The following RIN3 variants were observed in gnomAD, a reference collection of about 807,000 sequenced individuals.
RIN3 encodes the protein RAB5 interacting protein 3.
In RIN3, 54 loss-of-function variants were observed where a neutral mutation model predicts 76.3. That is an observed-to-expected ratio of 0.71 (90% CI 0.57 to 0.89). RIN3 has a LOEUF of 0.89. Among genes scored for constraint, RIN3 ranks in the 40% least tolerant of loss-of-function variants. The pLI is 0.00. For missense variants in RIN3, 1,256 were observed against 1,322.1 expected (o/e 0.95, Z 0.78); for synonymous variants, 576 against 564.0 (o/e 1.02, Z -0.30).
At chr14:92,546,908 C>A (rs1280249511) in intron 1 of RIN3, among the ~76,000 whole-genome samples, 1 of 150,954 alleles carries the variant, frequency 6.6e-6, no homozygotes, top group Non-Finnish European at 1.5e-5. Context: ...AAAAATGTGA[C>A]CTACTAAAAG....
intron 2 of RIN3, among the ~76,000 whole-genome samples, chr14:92,569,639 C>T (rs917517388): frequency 1.3e-5 from 2 of 151,680 alleles, no homozygotes; most frequent in East Asian, 1.9e-4. Context: ...GGTCCATGTC[C>T]GAACAAAGTG....
intron 4 of RIN3, among the ~76,000 whole-genome samples, chr14:92,628,579 C>T (rs1432216808): frequency 6.6e-6 from 1 of 152,144 alleles, no homozygotes; most frequent in Non-Finnish European, 1.5e-5. Context: ...TTTTAGCATC[C>T]TTGTAATTTG....
intron 2 of RIN3, among the ~76,000 whole-genome samples, chr14:92,559,488 A>G (rs940015275): frequency 6.6e-6 from 1 of 152,226 alleles, no homozygotes; most frequent in Non-Finnish European, 1.5e-5. Context: ...GATATGAGCC[A>G]TGTTTATAAA....
At chr14:92,586,854 A>G (rs146046346) in intron 3 of RIN3, among the ~76,000 whole-genome samples, 1 of 152,338 alleles carries the variant, frequency 6.6e-6, no homozygotes, top group East Asian at 1.9e-4. Context: ...AACCAATGAC[A>G]CTCAGGGAAA....
At chr14:92,543,346 T>C (rs1897168967) in intron 1 of RIN3, among the ~76,000 whole-genome samples, 1 of 152,108 alleles carries the variant, frequency 6.6e-6, no homozygotes, top group Admixed American at 6.5e-5. Context: ...TTCATCTCAA[T>C]AGAAATTGAG....
intron 7 of RIN3, among the ~76,000 whole-genome samples, chr14:92,675,704 T>G (rs147910110): frequency 1.2e-4 from 18 of 152,338 alleles, no homozygotes; most frequent in African/African-American, 4.3e-4. Context: ...CTGGTCAGAA[T>G]TCTCCACCCA....
intron 8 of RIN3, among the ~76,000 whole-genome samples, chr14:92,677,829 TACCC>T (rs1888521535): frequency 6.7e-6 from 1 of 149,272 alleles, no homozygotes; most frequent in Admixed American, 6.7e-5. Flanking sequence ...CTCATCCACC[TACCC>T]ACCCATCTAC....
At chr14:92,668,495 G>A in intron 7 of RIN3, among the ~76,000 whole-genome samples, 1 of 152,178 alleles carries the variant, frequency 6.6e-6, no homozygotes, top group Non-Finnish European at 1.5e-5. Flanking sequence ...CAGGGACACA[G>A]TGTAGCTCAG....
intron 3 of RIN3, among the ~76,000 whole-genome samples, chr14:92,583,803 A>C (rs1488378113): frequency 1.3e-5 from 2 of 152,102 alleles, no homozygotes; most frequent in Non-Finnish European, 2.9e-5. Flanking sequence ...TTTTCCACAG[A>C]TGGGATGGGG....
At chr14:92,660,292 G>C (rs1887833869) in intron 7 of RIN3, among the ~76,000 whole-genome samples, 1 of 152,212 alleles carries the variant, frequency 6.6e-6, no homozygotes, top group Non-Finnish European at 1.5e-5. Flanking sequence ...TTGGAGGCCA[G>C]ATAGTCTGGG....
At chr14:92,617,891 T>G (rs1363814649) in intron 4 of RIN3, among the ~76,000 whole-genome samples, 1 of 152,268 alleles carries the variant, frequency 6.6e-6, no homozygotes, top group Non-Finnish European at 1.5e-5. Flanking sequence ...TAGAATTTGC[T>G]GTAGAGCCTG....
intron 7 of RIN3, among the ~76,000 whole-genome samples, chr14:92,661,758 C>CACACAAAAAA (rs373869994): frequency 1.4e-4 from 19 of 133,288 alleles, no homozygotes; most frequent in Admixed American, 5.1e-4. Flanking sequence ...CACACACACA[C>CACACAAAAAA]AAAAAATAGA....
chr14:92,620,270 G>A (rs1400184941), intron 4 of RIN3, among the ~76,000 whole-genome samples: 2 of 152,148 alleles, frequency 1.3e-5, no homozygotes, highest in Admixed American at 6.5e-5. Flanking sequence ...TGGCCCTAGC[G>A]ACCCTGCCTG....
intron 1 of RIN3, among the ~76,000 whole-genome samples, chr14:92,539,648 G>A (rs762811709): frequency 3.3e-5 from 5 of 152,180 alleles, no homozygotes; most frequent in Non-Finnish European, 5.9e-5. Flanking sequence ...GACAGGTGGT[G>A]GGGTCAGCAG....
At chr14:92,687,169 G>A (rs2140181314) in intron 9 of RIN3, 1 of 152,400 alleles carries the variant, frequency 6.6e-6, no homozygotes, top group Non-Finnish European at 1.5e-5. Flanking sequence ...CCCATTTATG[G>A]GAGGCGGGCG....
intron 3 of RIN3, among the ~76,000 whole-genome samples, chr14:92,592,982 T>G (rs574408432): frequency 3.4e-5 from 5 of 146,206 alleles, no homozygotes; most frequent in African/African-American, 1.0e-4. Flanking sequence ...CCAAAATTTG[T>G]TTTTTTTTTC....
At chr14:92,593,563 G>A (rs72697283) in intron 3 of RIN3, among the ~76,000 whole-genome samples, 16,244 of 151,860 alleles carry the variant, frequency 0.11, 1,220 homozygotes, top group East Asian at 0.43. Flanking sequence ...AAGGGGGAGG[G>A]GTTGCATTAG....
intron 4 of RIN3, among the ~76,000 whole-genome samples, chr14:92,636,701 G>C (rs559993109): frequency 1.2e-3 from 176 of 152,300 alleles, no homozygotes; most frequent in African/African-American, 3.9e-3. Flanking sequence ...CTGTTCAGTA[G>C]AGAAAGCAAG....
chr14:92,558,970 G>T (rs895295493), intron 2 of RIN3, among the ~76,000 whole-genome samples: 3 of 148,704 alleles, frequency 2.0e-5, no homozygotes, highest in African/African-American at 7.5e-5. Context: ...GGGTTCAAGC[G>T]ATTCTCCTGC....
Sources: gnomAD v4.1 joint callset for allele counts (sites outside exome capture counted in the v4.1 genomes callset) on GRCh38, gnomAD v4.1.1 for gene constraint, MANE v1.5 for transcripts, NCBI Gene and HGNC (gene_info 2026-07-23, HGNC 2026-07-21) for gene names.